The following MBNL1 variants were observed in gnomAD, a reference collection of about 807,000 sequenced individuals.
The protein encoded by MBNL1 is muscleblind like splicing regulator 1.
In MBNL1, 8 loss-of-function variants were observed where a neutral mutation model predicts 42.2. The ratio of observed to expected loss-of-function variants is 0.19; its 90% CI spans 0.11 to 0.34. The LOEUF is 0.34. MBNL1 is among the 10% of genes least tolerant of loss of function. MBNL1 has a pLI of 1.00. For missense variants in MBNL1, 309 were observed against 495.3 expected, an observed-to-expected ratio of 0.62 and a Z score of 3.57; for synonymous variants, 169 against 173.9, an observed-to-expected ratio of 0.97 and a Z score of 0.22.
At chr3:152,314,009 T>C (rs1028082496) in intron 2 of MBNL1, among the ~76,000 whole-genome samples, 2 of 152,240 alleles carry the variant, frequency 1.3e-5, no homozygotes, top group Admixed American at 6.5e-5. Flanking sequence ...TTTATGCTGG[T>C]CTACAATAAA....
intron 2 of MBNL1, among the ~76,000 whole-genome samples, chr3:152,322,571 T>A (rs2077071643): frequency 6.6e-6 from 1 of 152,104 alleles, no homozygotes; most frequent in African/African-American, 2.4e-5. Flanking sequence ...CTCAGTCTGA[T>A]AACTGGGCTG....
intron 2 of MBNL1, among the ~76,000 whole-genome samples, chr3:152,412,876 CGTG>C (rs1235837801): frequency 2.0e-5 from 3 of 152,218 alleles, no homozygotes; most frequent in African/African-American, 4.8e-5. Flanking sequence ...AGTGAATTCT[CGTG>C]GTGACCATAA....
chr3:152,252,238 C>CCCTCCTTCCCTT (rs1308018676), intron 2 of MBNL1, among the ~76,000 whole-genome samples: 1 of 130,526 alleles, frequency 7.7e-6, no homozygotes, highest in Non-Finnish European at 1.7e-5. Flanking sequence ...CTTCTTTTCT[C>CCCTCCTTCCCTT]CCTCCTTCCC....
intron 2 of MBNL1, among the ~76,000 whole-genome samples, chr3:152,336,983 T>C (rs1000547581): frequency 6.6e-6 from 1 of 152,198 alleles, no homozygotes; most frequent in Non-Finnish European, 1.5e-5. Context: ...TTAATTTGCT[T>C]CGAGTCTTGA....
At chr3:152,365,828 C>T (rs1006229834) in intron 2 of MBNL1, among the ~76,000 whole-genome samples, 2 of 151,962 alleles carry the variant, frequency 1.3e-5, no homozygotes, top group African/African-American at 2.4e-5. Flanking sequence ...CCTTTTTTCT[C>T]GTCTAAGATA....
intron 8 of MBNL1, among the ~76,000 whole-genome samples, chr3:152,456,880 G>C (rs1734769184): frequency 6.6e-6 from 1 of 152,048 alleles, no homozygotes; most frequent in African/African-American, 2.4e-5. Context: ...AAAATAAATT[G>C]TTTGCATGTA....
chr3:152,409,305 TTG>T (rs373484914), intron 2 of MBNL1, among the ~76,000 whole-genome samples: 15 of 151,990 alleles, frequency 9.9e-5, no homozygotes, highest in African/African-American at 1.4e-4. Flanking sequence ...GTGTATGTGT[TTG>T]TGTGTGTGTG....
chr3:152,312,052 C>T (rs188388358), intron 2 of MBNL1, among the ~76,000 whole-genome samples: 10,923 of 151,650 alleles, frequency 0.072, 512 homozygotes, highest in Middle Eastern at 0.17. Flanking sequence ...ATTAGCCGGG[C>T]GTAGTGGCGG....
chr3:152,353,539 C>T (rs1008031655), intron 2 of MBNL1, among the ~76,000 whole-genome samples: 1 of 151,780 alleles, frequency 6.6e-6, no homozygotes, highest in African/African-American at 2.4e-5. Flanking sequence ...TACTTGAGGG[C>T]CTGGATGAAT....
chr3:152,353,879 A>G (rs2095305718), intron 2 of MBNL1, among the ~76,000 whole-genome samples: 2 of 152,138 alleles, frequency 1.3e-5, no homozygotes, highest in Admixed American at 1.3e-4. Flanking sequence ...AAAAGATGAG[A>G]GAAAATCAGT....
intron 2 of MBNL1, among the ~76,000 whole-genome samples, chr3:152,394,270 C>T (rs774858684): frequency 1.3e-5 from 2 of 152,196 alleles, no homozygotes; most frequent in Non-Finnish European, 2.9e-5. Flanking sequence ...GTGATTAAAG[C>T]TATAAGAAGT....
At chr3:152,276,132 T>C (rs968261147) in intron 1 of MBNL1, among the ~76,000 whole-genome samples, 1 of 152,204 alleles carries the variant, frequency 6.6e-6, no homozygotes, top group African/African-American at 2.4e-5. Context: ...TGCGGAGATA[T>C]GAGGCTTGTC....
At chr3:152,246,443 C>G (rs2033042648) in intron 2 of MBNL1, among the ~76,000 whole-genome samples, 1 of 151,848 alleles carries the variant, frequency 6.6e-6, no homozygotes, top group African/African-American at 2.4e-5. Context: ...AAGTTGTTCT[C>G]TCTTTGATAA....
chr3:152,362,448 A>G (rs2096047819), intron 2 of MBNL1, among the ~76,000 whole-genome samples: 1 of 152,208 alleles, frequency 6.6e-6, no homozygotes, highest in African/African-American at 2.4e-5. Context: ...CTACAGTCAG[A>G]TAGCATAGTT....
chr3:152,358,478 A>C (rs1382808054), intron 2 of MBNL1, among the ~76,000 whole-genome samples: 1 of 152,204 alleles, frequency 6.6e-6, no homozygotes, highest in Non-Finnish European at 1.5e-5. Context: ...AAATATTTGA[A>C]AAATATGTAT....
At chr3:152,376,834 A>T (rs900558204) in intron 2 of MBNL1, among the ~76,000 whole-genome samples, 1 of 152,138 alleles carries the variant, frequency 6.6e-6, no homozygotes, top group Non-Finnish European at 1.5e-5. Context: ...ACACATACAT[A>T]TATATCTCTT....
chr3:152,363,792 C>T (rs1202155237), intron 2 of MBNL1, among the ~76,000 whole-genome samples: 1 of 152,026 alleles, frequency 6.6e-6, no homozygotes, highest in Non-Finnish European at 1.5e-5. Context: ...GAGATTAAGC[C>T]TCATTGCTAT....
At chr3:152,347,099 G>A (rs2094388385) in intron 2 of MBNL1, among the ~76,000 whole-genome samples, 1 of 151,956 alleles carries the variant, frequency 6.6e-6, no homozygotes, top group Non-Finnish European at 1.5e-5. Flanking sequence ...ATGCTTTTTA[G>A]TGTAATTATA....
At position 152,272,127 on chromosome 3, in the gene MBNL1, GTGT is replaced by G. The variant is rs553268841; in HGVS notation, c.-790+3040_-790+3042del. On this transcript the variant is annotated intron_variant, in intron 1 of 9. Coordinates refer to ENST00000324210, the MANE Select transcript of MBNL1 (RefSeq NM_021038.5). ...GCTAACATCGTATTTATTTTGGACA[GTGT>G]TGTTCTAGGATAAAGCAGGAAAACA... 3.0e-3 allele frequency among the ~76,000 whole-genome samples: 454 copies of G among 151,938 alleles called. 2 individuals are homozygous for G. Among genetic ancestry groups the G allele is most frequent in the Admixed American group, 6.7e-3 (102 of 15,244 alleles).
Sources: allele counts gnomAD v4.1 joint callset (sites outside exome capture counted in the v4.1 genomes callset), GRCh38; gene constraint gnomAD v4.1.1; transcripts MANE v1.5; gene names NCBI Gene and HGNC (gene_info 2026-07-23, HGNC 2026-07-21).